Variants in ZFPM2 observed in about 807,000 individuals in gnomAD.
ZFPM2 encodes zinc finger protein, FOG family member 2.
A neutral mutation model predicts 98.6 loss-of-function variants in ZFPM2; 20 were observed. The ratio of observed to expected loss-of-function variants is 0.20; its 90% CI spans 0.14 to 0.29. The LOEUF (loss-of-function observed/expected upper bound fraction) is 0.29, where lower values mean the gene tolerates loss of function less well. Ranked by LOEUF, ZFPM2 falls within the 10% of genes least tolerant of loss-of-function variation. The pLI is 1.00. For synonymous variants in ZFPM2, 518 were observed against 502.7 expected (o/e 1.03, Z -0.41); for missense variants, 1,310 against 1,388.6 (o/e 0.94, Z 0.90).
chr8:105,572,037 T>TC (rs952769085), intron 4 of ZFPM2, among the ~76,000 whole-genome samples: 19 of 124,404 alleles, frequency 1.5e-4, no homozygotes, highest in African/African-American at 6.3e-4. Context: ...AAATTTCTTT[T>TC]TTTTTTTTTT....
At chr8:105,387,715 G>C (rs1346257179) in intron 1 of ZFPM2, 1 of 157,108 alleles carries the variant, frequency 6.4e-6, no homozygotes, top group Non-Finnish European at 1.4e-5. Flanking sequence ...CTCCGGCCTC[G>C]GCCAGCCCAG....
At chr8:105,611,794 G>A (rs1418261008) in intron 4 of ZFPM2, among the ~76,000 whole-genome samples, 2 of 151,772 alleles carry the variant, frequency 1.3e-5, no homozygotes, top group African/African-American at 4.8e-5. Context: ...CACCTCCCGG[G>A]TTCAAGCGAT....
intron 1 of ZFPM2, among the ~76,000 whole-genome samples, chr8:105,391,148 A>G (rs1172368199): frequency 6.6e-6 from 1 of 152,182 alleles, no homozygotes; most frequent in African/African-American, 2.4e-5. Flanking sequence ...CTATGCAACA[A>G]AAGCAAATCT....
At chr8:105,379,571 T>C (rs1338511915) in intron 1 of ZFPM2, among the ~76,000 whole-genome samples, 2 of 152,038 alleles carry the variant, frequency 1.3e-5, no homozygotes, top group African/African-American at 4.8e-5. Context: ...CTGACCAACA[T>C]GGTGAAACCC....
At chr8:105,350,381 A>G (rs1812618086) in intron 1 of ZFPM2, among the ~76,000 whole-genome samples, 1 of 152,208 alleles carries the variant, frequency 6.6e-6, no homozygotes, top group South Asian at 2.1e-4. Context: ...GGGTGCTCTA[A>G]GGTTAAATAA....
chr8:105,734,875 G>GGCTTATAATTTTTGC (rs1812032135), intron 5 of ZFPM2, among the ~76,000 whole-genome samples: 1 of 150,874 alleles, frequency 6.6e-6, no homozygotes, highest in African/African-American at 2.4e-5. Flanking sequence ...TTTCCCATGA[G>GGCTTATAATTTTTGC]GCTTATAATT....
intron 4 of ZFPM2, among the ~76,000 whole-genome samples, chr8:105,569,443 A>T (rs913337359): frequency 6.6e-6 from 1 of 152,186 alleles, no homozygotes; most frequent in African/African-American, 2.4e-5. Flanking sequence ...CAGAGCAATT[A>T]CCACAGGAAA....
intron 3 of ZFPM2, among the ~76,000 whole-genome samples, chr8:105,491,535 A>G (rs1167821425): frequency 6.6e-6 from 1 of 152,150 alleles, no homozygotes; most frequent in Admixed American, 6.5e-5. Flanking sequence ...ATGAATTTCA[A>G]TGTTGGCCTC....
chr8:105,435,479 A>G (rs1284499355), intron 2 of ZFPM2, among the ~76,000 whole-genome samples: 3 of 152,180 alleles, frequency 2.0e-5, no homozygotes, highest in Admixed American at 6.6e-5. Flanking sequence ...ATGAGTTCCT[A>G]GCTCTTTCTG....
chr8:105,458,434 A>T (rs1403433249), intron 3 of ZFPM2, among the ~76,000 whole-genome samples: 1 of 152,046 alleles, frequency 6.6e-6, no homozygotes, highest in Admixed American at 6.6e-5. Context: ...AAAAAAAAAA[A>T]TTTGTTTTCC....
chr8:105,729,942 A>G (rs1176862221), intron 5 of ZFPM2, among the ~76,000 whole-genome samples: 1 of 151,294 alleles, frequency 6.6e-6, no homozygotes, highest in Non-Finnish European at 1.5e-5. Context: ...ATATTTAAAT[A>G]TATTATGCAC....
chr8:105,561,496 C>T lies in ZFPM2; in HGVS notation c.420+15C>T, dbSNP rs374105222. On this transcript the variant is annotated intron_variant, in intron 4 of 7. Coordinates refer to ENST00000407775, the MANE Select transcript of ZFPM2 (RefSeq NM_012082.4). ...ATAATTCTTTGGTATGTGGATATTC[C>T]GAGATGGTTAATATTTTGTCATCGA... 3.8e-5 allele frequency: 59 copies of T among 1,566,636 alleles called. No individual in the cohort carries two copies. Among genetic ancestry groups the T allele is most frequent in the Non-Finnish European group, 4.8e-5 (55 of 1,146,408 alleles).
rs1410082378 is a variant in ZFPM2 at position 105,520,338 on chromosome 8, A to G, written c.302-41025A>G. On this transcript the variant is annotated intron_variant, in intron 3 of 7. Coordinates refer to ENST00000407775, the MANE Select transcript of ZFPM2 (RefSeq NM_012082.4). ...CAACACTTAATATATATATTTGGGCAGCAGCCTCTTAAGTACTATGCAGAA... is the reference window on the plus strand; with the variant it reads ...CAACACTTAATATATATATTTGGGCGGCAGCCTCTTAAGTACTATGCAGAA... Among the ~76,000 whole-genome samples the G allele has an allele frequency of 2.0e-5, 3 of 152,162 alleles. No homozygotes were observed. In the East Asian group the frequency reaches 5.8e-4, roughly 29 times the overall value.
chr8:105,341,585 A>G (rs897056350), intron 1 of ZFPM2, among the ~76,000 whole-genome samples: 9 of 151,872 alleles, frequency 5.9e-5, no homozygotes, highest in African/African-American at 1.9e-4. Flanking sequence ...CAGTTGATAT[A>G]TCCTCATTTT....
chr8:105,589,147 T>C (rs1201171970), intron 4 of ZFPM2, among the ~76,000 whole-genome samples: 1 of 152,244 alleles, frequency 6.6e-6, no homozygotes, highest in East Asian at 1.9e-4. Flanking sequence ...CTAATCCTGC[T>C]ATTATTCAGT....
chr8:105,695,069 T>A (rs1180567391), intron 5 of ZFPM2, among the ~76,000 whole-genome samples: 2 of 152,158 alleles, frequency 1.3e-5, no homozygotes, highest in Non-Finnish European at 2.9e-5. Context: ...TGAATCCGGA[T>A]CTATCTGTCT....
chr8:105,458,901 T>C (rs1246539785), intron 3 of ZFPM2, among the ~76,000 whole-genome samples: 1 of 152,138 alleles, frequency 6.6e-6, no homozygotes, highest in African/African-American at 2.4e-5. Context: ...TCTGGTTCCC[T>C]TGCCATTAAA....
intron 4 of ZFPM2, among the ~76,000 whole-genome samples, chr8:105,630,264 A>G (rs1816732353): frequency 6.6e-6 from 1 of 152,206 alleles, no homozygotes; most frequent in African/African-American, 2.4e-5. Flanking sequence ...CTAATGATCA[A>G]TGTGGATATT....
chr8:105,398,468 A>G (rs1310728747), intron 1 of ZFPM2, among the ~76,000 whole-genome samples: 1 of 152,156 alleles, frequency 6.6e-6, no homozygotes, highest in African/African-American at 2.4e-5. Context: ...ATTTTTTAGA[A>G]TGGCAGTCCC....
Sources: gnomAD v4.1 joint callset for allele counts (sites outside exome capture counted in the v4.1 genomes callset) on GRCh38, gnomAD v4.1.1 for gene constraint, MANE v1.5 for transcripts, NCBI Gene and HGNC (gene_info 2026-07-23, HGNC 2026-07-21) for gene names.